The following ZNF728 variants were observed in gnomAD, a reference collection of about 807,000 sequenced individuals.
ZNF728 encodes zinc finger protein 728.
Under a neutral mutation model 12.5 loss-of-function variants are expected in ZNF728, and 12 were observed. That is an observed-to-expected ratio of 0.96 (90% confidence interval 0.61 to 1.55). The LOEUF (loss-of-function observed/expected upper bound fraction) is 1.55. Among genes scored for constraint, ZNF728 ranks in the 40% most tolerant of loss-of-function variants. ZNF728 has a pLI of 0.00. For missense variants in ZNF728, 692 were observed against 719.2 expected, an observed-to-expected ratio of 0.96 and a Z score of 0.43; for synonymous variants, 205 against 240.7, an observed-to-expected ratio of 0.85 and a Z score of 1.37.
chr19:22,996,828 A>G (rs1238253335), intron 1 of ZNF728, among the ~76,000 whole-genome samples: 1 of 152,202 alleles, frequency 6.6e-6, no homozygotes, highest in African/African-American at 2.4e-5. Flanking sequence ...ACATATGAGA[A>G]TAAAACCTCT....
intron 3 of ZNF728, among the ~76,000 whole-genome samples, chr19:22,980,186 AAAAAAAAAAAAGAAAC>A (rs1968846491): frequency 1.4e-5 from 1 of 70,412 alleles, no homozygotes; most frequent in South Asian, 3.3e-4. Context: ...AATGGAAAGC[AAAAAAAAAAAAGAAAC>A]AAAAAAAAAA....
At chr19:23,001,252 C>T (rs371681849) in intron 1 of ZNF728, among the ~76,000 whole-genome samples, 26 of 152,318 alleles carry the variant, frequency 1.7e-4, no homozygotes, top group African/African-American at 6.0e-4. Flanking sequence ...ATACCAGCAT[C>T]TGATTGTCTG....
At position 23,002,122 on chromosome 19, in the gene ZNF728, C is replaced by A. The variant is rs368723428; in HGVS notation, c.3+906G>T. 7.9e-5 allele frequency among the ~76,000 whole-genome samples: 12 copies of A among 152,312 alleles called. No individual in the cohort carries two copies. The East Asian group carries it at 2.1e-3, about 27-fold the overall frequency. On this transcript the variant is annotated intron_variant, in intron 1 of 3. Coordinates refer to ENST00000594710, the MANE Select transcript of ZNF728 (RefSeq NM_001267716.2). Reference sequence around the variant, plus strand: ...CTTGAAATCAGGAGTTCAAGACCAGCCTGACCAACATGGTGAAACCCCATC... The same window carrying A: ...CTTGAAATCAGGAGTTCAAGACCAGACTGACCAACATGGTGAAACCCCATC...
intron 1 of ZNF728, among the ~76,000 whole-genome samples, chr19:22,999,561 T>C (rs928477247): frequency 3.9e-5 from 6 of 152,182 alleles, no homozygotes; most frequent in East Asian, 1.9e-4. Flanking sequence ...CTCGCAGTCA[T>C]TGGGCTCAAG....
intron 1 of ZNF728, among the ~76,000 whole-genome samples, chr19:22,989,567 A>G (rs1178546629): frequency 6.6e-6 from 1 of 152,214 alleles, no homozygotes; most frequent in Non-Finnish European, 1.5e-5. Context: ...ATTAACATCA[A>G]CTACACTAGA....
chr19:22,998,580 G>C (rs1368282490), intron 1 of ZNF728, among the ~76,000 whole-genome samples: 1 of 152,078 alleles, frequency 6.6e-6, no homozygotes, highest in Admixed American at 6.6e-5. Flanking sequence ...TTTAAAAATT[G>C]GGGACTCCCA....
intron 2 of ZNF728, 45 bp from the exon 3 acceptor site, chr19:22,987,448 C>T (rs1385162290): frequency 1.3e-6 from 2 of 1,526,064 alleles, no homozygotes; most frequent in African/African-American, 2.8e-5. Flanking sequence ...TCATATTCTC[C>T]AATTAACAAC....
At chr19:22,994,715 G>A (rs1385843107) in intron 1 of ZNF728, among the ~76,000 whole-genome samples, 2 of 152,234 alleles carry the variant, frequency 1.3e-5, no homozygotes, top group Non-Finnish European at 2.9e-5. Context: ...GGTGCCTGCT[G>A]AAGGTAGGCT....
At chr19:22,985,026 T>C (rs1968900861) in intron 3 of ZNF728, among the ~76,000 whole-genome samples, 1 of 152,154 alleles carries the variant, frequency 6.6e-6, no homozygotes, top group Non-Finnish European at 1.5e-5. Flanking sequence ...TAATTATTAC[T>C]GTAAGCTAAT....
rs565868137 is a variant in ZNF728, at chr19:22,976,570, T to C, written c.767A>G (p.Tyr256Cys). The C allele has an allele frequency of 6.2e-7, 1 of 1,611,318 alleles. No individual in the cohort carries two copies. The highest frequency in any genetic ancestry group is 8.5e-7 in the Non-Finnish European group (1 of 1,178,704). Residue 256 changes from tyrosine to cysteine, a missense_variant, in exon 4 of 4, where the codon TAC becomes TGC. Transcript: ENST00000594710. ...HKVIHTGEKH[Y>C]KCEECGKAFT... is the part of the protein sequence containing the mutation. ...GGCTTTGCCACATTCTTCACATTTGTAATGTTTCTCTCCAGTATGAATTAC... is the reference window on the plus strand; with the variant it reads ...GGCTTTGCCACATTCTTCACATTTGCAATGTTTCTCTCCAGTATGAATTAC...
intron 3 of ZNF728, among the ~76,000 whole-genome samples, chr19:22,985,496 G>A (rs1466050388): frequency 1.3e-5 from 2 of 152,166 alleles, no homozygotes; most frequent in African/African-American, 4.8e-5. Context: ...TTGAGATCCA[G>A]GGAGGCAATT....
At chr19:22,980,179 G>A (rs1242785439) in intron 3 of ZNF728, among the ~76,000 whole-genome samples, 1 of 127,418 alleles carries the variant, frequency 7.8e-6, no homozygotes, top group Non-Finnish European at 1.6e-5. Context: ...CCAAGCAAAT[G>A]GAAAGCAAAA....
At position 22,974,968 on chromosome 19, in the gene ZNF728, T is replaced by C. The variant is rs1278962970; in HGVS notation, c.*500A>G. On this transcript the variant is annotated 3_prime_UTR_variant, in exon 4 of 4. Coordinates refer to ENST00000594710, the MANE Select transcript of ZNF728 (RefSeq NM_001267716.2). ...ATTGGTTAAATGTTTTGCCACATTGTTTATTCTAGTAGTTTTCTCCAGTAT... is the reference window on the plus strand; with the variant it reads ...ATTGGTTAAATGTTTTGCCACATTGCTTATTCTAGTAGTTTTCTCCAGTAT... Among the ~76,000 whole-genome samples the C allele has an allele frequency of 6.6e-6, 1 of 152,216 alleles. No homozygotes were observed. Among genetic ancestry groups the C allele is most frequent in the Middle Eastern group, 3.2e-3 (1 of 316 alleles).
chr19:22,975,463 AT>A lies in ZNF728; in HGVS notation c.*4del. 3.3e-6 allele frequency: 5 copies of A among 1,536,186 alleles called. No individual in the cohort carries two copies. Among genetic ancestry groups the A allele is most frequent in the Non-Finnish European group, 8.7e-7 (1 of 1,145,854 alleles). Reference sequence around the variant, plus strand: ...AAGAACTAATTGAAAGCTTTGCCACATTTTTCACATTTGTAGGGTTTTTCCT... The same window carrying A: ...AAGAACTAATTGAAAGCTTTGCCACATTTTCACATTTGTAGGGTTTTTCCT... On this transcript the variant is annotated 3_prime_UTR_variant, in exon 4 of 4. Transcript: ENST00000594710.
chr19:22,994,474 T>A (rs1389498839), intron 1 of ZNF728, among the ~76,000 whole-genome samples: 1 of 152,202 alleles, frequency 6.6e-6, no homozygotes, highest in East Asian at 1.9e-4. Flanking sequence ...CACAATTACA[T>A]GTGAATGTGA....
At chr19:23,000,611 C>T (rs1335639413) in intron 1 of ZNF728, among the ~76,000 whole-genome samples, 1 of 152,006 alleles carries the variant, frequency 6.6e-6, no homozygotes, top group African/African-American at 2.4e-5. Context: ...CACCTGCAAT[C>T]CCAGCACTTT....
At position 22,976,973 on chromosome 19, in the gene ZNF728, C is replaced by T. The variant is rs1365874354; in HGVS notation, c.364G>A (p.Glu122Lys). 2.5e-6 allele frequency: 4 copies of T among 1,613,542 alleles called. No individual in the cohort carries two copies. The highest frequency in any genetic ancestry group is 2.5e-6 in the Non-Finnish European group (3 of 1,179,766). ...TAACCTTTTTTGTGCACCTTACACT[C>T]ATCCACATTGGTACAACCAATTTTT... ...QLKIGCTNVD[E>K]CKVHKKGYNK... The change falls in exon 4 of 4, where the codon GAG becomes AAG. Residue 122 changes from glutamate (E) to lysine (K), a missense_variant. Physicochemically the swap from Glu to Lys is moderately conservative, Grantham distance 56 (BLOSUM62 1). Coordinates refer to ENST00000594710, the MANE Select transcript of ZNF728 (RefSeq NM_001267716.2).
chr19:22,994,545 A>T lies in ZNF728; in HGVS notation c.4-6094T>A, dbSNP rs566100505. On this transcript the variant is annotated intron_variant, in intron 1 of 3. Transcript: ENST00000594710. ...AGACAGAAAGACAGTGACCATAATC[A>T]GTCTACAAGTAGAATTTACAGCACC... Among the ~76,000 whole-genome samples, 37 of 152,366 alleles carry T rather than the reference A, an allele frequency of 2.4e-4. No individual in the cohort carries two copies. In the South Asian group the frequency reaches 7.5e-3, roughly 31 times the overall value.
At position 22,976,886 on chromosome 19, in the gene ZNF728, C is replaced by T. The variant is rs1339451587; in HGVS notation, c.451G>A (p.Ala151Thr). The stretch of plus-strand genomic sequence containing the variant: ...TTTGAACATTTATGAAAGATGTTTG[C>T]ATATTTGCCACATTGAAATACTTTG... ...QSKVFQCGKY[A>T]NIFHKCSNSK... is the part of the protein sequence containing the mutation. Residue 151 changes from alanine (A) to threonine (T), a missense_variant, in exon 4 of 4, where the codon GCA (alanine) becomes ACA (threonine). This residue lies in a region of ZNF728 where 440 missense variants were observed against 459.6 expected (regional missense o/e 0.96). Transcript: ENST00000594710. 8.7e-6 allele frequency: 14 copies of T among 1,613,276 alleles called. No homozygotes were observed. The highest frequency in any genetic ancestry group is 1.3e-5 in the African/African-American group (1 of 74,916).
Sources: gnomAD v4.1 joint callset for allele counts (sites outside exome capture counted in the v4.1 genomes callset) on GRCh38, gnomAD v4.1.1 for gene constraint, gnomAD v4.1.1 regional missense constraint, MANE v1.5 for transcripts, NCBI Gene and HGNC (gene_info 2026-07-23, HGNC 2026-07-21) for gene names.